Variants in PCDHGA1 observed in about 807,000 individuals in gnomAD.
PCDHGA1 encodes protocadherin gamma-A1.
In PCDHGA1, 32 loss-of-function variants were observed where a neutral mutation model predicts 58.0. The observed-to-expected ratio is 0.55, with a 90% CI of 0.42 to 0.74. The LOEUF is 0.74. Ranked by LOEUF, PCDHGA1 falls within the 30% of genes least tolerant of loss-of-function variation. The pLI, the probability that PCDHGA1 is intolerant of heterozygous loss-of-function variation, is 0.00. For synonymous variants in PCDHGA1, 498 were observed against 501.1 expected, an observed-to-expected ratio of 0.99 and a Z score of 0.08; for missense variants, 1,205 against 1,182.3, an observed-to-expected ratio of 1.02 and a Z score of -0.28.
intron 1 of PCDHGA1, chr5:141,371,406 T>C: frequency 6.2e-7 from 1 of 1,613,960 alleles, no homozygotes; most frequent in Non-Finnish European, 8.5e-7. Flanking sequence ...GATAGATATT[T>C]CAGATGAAAA....
intron 1 of PCDHGA1, chr5:141,415,744 T>TTTG (rs2095926305): frequency 2.5e-6 from 1 of 404,416 alleles, no homozygotes; most frequent in South Asian, 6.6e-5. Context: ...ATTAAGGTTT[T>TTTG]TTTTTTTTTT....
intron 1 of PCDHGA1, among the ~76,000 whole-genome samples, chr5:141,438,833 T>C (rs989612425): frequency 6.6e-6 from 1 of 150,476 alleles, no homozygotes; most frequent in Non-Finnish European, 1.5e-5. Context: ...AGCTAATTTT[T>C]TAAAATATTT....
intron 1 of PCDHGA1, chr5:141,373,991 A>G (rs1241221882): frequency 8.2e-7 from 1 of 1,223,018 alleles, no homozygotes; most frequent in Non-Finnish European, 1.1e-6. Context: ...CTGCTTGTTG[A>G]AGGACCTTCA....
At position 141,485,841 on chromosome 5, in the gene PCDHGA1, C is replaced by G. The variant is rs969476505; in HGVS notation, c.2422-8966C>G. On this transcript the variant is annotated intron_variant, in intron 1 of 3. Transcript: ENST00000517417. This position sits in a 1 kb window ranked among gnomAD's most constrained non-coding sequence, Gnocchi z 5.7. Reference sequence around the variant, plus strand: ...GTCGATGGAGGGAACCCGCCGAGATCTGGCACCGCAGAGCTCCGGGTATCC... The same window carrying G: ...GTCGATGGAGGGAACCCGCCGAGATGTGGCACCGCAGAGCTCCGGGTATCC... 29 of 1,614,104 alleles carry G rather than the reference C, an allele frequency of 1.8e-5. No individual in the cohort carries two copies. The highest frequency in any genetic ancestry group is 2.2e-5 in the South Asian group (2 of 91,080).
At chr5:141,423,826 A>G (rs1324911075) in intron 1 of PCDHGA1, 21 of 1,275,178 alleles carry the variant, frequency 1.6e-5, no homozygotes, top group Middle Eastern at 2.2e-4. Flanking sequence ...TTTGCCTTTC[A>G]TGAGATTACG....
chr5:141,391,071 T>C (rs905482954), intron 1 of PCDHGA1: 2 of 152,220 alleles, frequency 1.3e-5, no homozygotes, highest in African/African-American at 4.8e-5. Context: ...CCCTAATATA[T>C]AATGTGTAAC....
intron 1 of PCDHGA1, chr5:141,370,659 C>G: frequency 6.2e-7 from 1 of 1,613,780 alleles, no homozygotes; most frequent in Non-Finnish European, 8.5e-7. Context: ...TGTGAGCGAC[C>G]GTATAGACCG....
At position 141,344,571 on chromosome 5, in the gene PCDHGA1, C is replaced by T. The variant is rs968234173; in HGVS notation, c.2421+11466C>T. 1.7e-5 allele frequency: 28 copies of T among 1,613,904 alleles called. No individual in the cohort carries two copies. The Admixed American group carries it at 3.0e-4, about 17-fold the overall frequency. On this transcript the variant is annotated intron_variant, in intron 1 of 3. Transcript: ENST00000517417. ...GCTTAGCCCCAATGACTACTTCTCT[C>T]TGGCTGTGAATAGCGTCTCTGAGGG...
chr5:141,390,408 T>C, intron 1 of PCDHGA1: 1 of 1,254,846 alleles, frequency 8.0e-7, no homozygotes, highest in Non-Finnish European at 1.1e-6. Context: ...AGGAAAGTTG[T>C]AGTCAGTTAA....
At chr5:141,402,458 T>C (rs886690950) in intron 1 of PCDHGA1, among the ~76,000 whole-genome samples, 2 of 152,178 alleles carry the variant, frequency 1.3e-5, no homozygotes, top group Non-Finnish European at 2.9e-5. Flanking sequence ...ATAGTTTACA[T>C]ATCTAGAAAT....
At position 141,431,783 on chromosome 5, in the gene PCDHGA1, G is replaced by T; in HGVS notation, c.2422-63024G>T. 2 of 1,614,174 alleles carry T rather than the reference G, an allele frequency of 1.2e-6. No homozygotes were observed. Among genetic ancestry groups the T allele is most frequent in the East Asian group, 2.2e-5 (1 of 44,878 alleles). On this transcript the variant is annotated intron_variant, in intron 1 of 3. Transcript: ENST00000517417. The surrounding 1 kb of genome is among the most constrained non-coding windows in gnomAD (Gnocchi z 4.8). Reference sequence around the variant, plus strand: ...CCTGATCACTGTTCTGGACGTGAACGACAATGCCCCAGAAGTGGTCCTCAC... The same window carrying T: ...CCTGATCACTGTTCTGGACGTGAACTACAATGCCCCAGAAGTGGTCCTCAC...
chr5:141,420,079 C>A, intron 1 of PCDHGA1: 1 of 1,613,998 alleles, frequency 6.2e-7, no homozygotes, highest in Non-Finnish European at 8.5e-7. Flanking sequence ...CTGTGGGTCC[C>A]CCCAACTACA....
Position 141,331,948 on chromosome 5 carries a change from A to G in PCDHGA1, c.1264A>G (p.Ile422Val). Reference sequence around the variant, plus strand: ...ACTTATCTCTGGGTACAACATCACAATAACAGCAATAGACCAAGGAACTCC... The same window carrying G: ...ACTTATCTCTGGGTACAACATCACAGTAACAGCAATAGACCAAGGAACTCC... ...RELISGYNIT[I>V]TAIDQGTPAL... The change falls in exon 1 of 4, where the codon ATA (isoleucine) becomes GTA (valine). Residue 422 changes from isoleucine (I) to valine (V), a missense_variant. Ile to Val is a conservative substitution (Grantham distance 29). Transcript: ENST00000517417. 5 of 1,614,184 alleles carry G rather than the reference A, an allele frequency of 3.1e-6. No homozygotes were observed. Among genetic ancestry groups the G allele is most frequent in the Non-Finnish European group, 4.2e-6 (5 of 1,180,042 alleles).
At chr5:141,484,075 C>G (rs1397285710) in intron 1 of PCDHGA1, among the ~76,000 whole-genome samples, 2 of 152,084 alleles carry the variant, frequency 1.3e-5, no homozygotes, top group African/African-American at 4.8e-5. Context: ...AAAGCTTGCT[C>G]TTTTGAAATG....
intron 1 of PCDHGA1, chr5:141,421,585 G>A: frequency 1.2e-6 from 2 of 1,613,916 alleles, no homozygotes; most frequent in Non-Finnish European, 1.7e-6. Context: ...GATTTACGGA[G>A]TGGAGGTGGA....
chr5:141,360,387 A>AC (rs1216903112), intron 1 of PCDHGA1: 2 of 1,613,826 alleles, frequency 1.2e-6, no homozygotes, highest in African/African-American at 2.7e-5. Flanking sequence ...GCGGAGACTT[A>AC]CTTGTGAGTG....
chr5:141,449,471 G>A (rs1261821886), intron 1 of PCDHGA1, among the ~76,000 whole-genome samples: 1 of 151,060 alleles, frequency 6.6e-6, no homozygotes, highest in African/African-American at 2.4e-5. Flanking sequence ...GCCAGGCCTG[G>A]TACCCCATGC....
intron 1 of PCDHGA1, chr5:141,343,789 T>G: frequency 2.3e-6 from 1 of 432,492 alleles, no homozygotes; most frequent in South Asian, 5.6e-5. Flanking sequence ...GTGTCGCTGT[T>G]GACCACTCAA....
At chr5:141,340,159 G>T (rs766521551) in intron 1 of PCDHGA1, 2 of 1,614,186 alleles carry the variant, frequency 1.2e-6, no homozygotes, top group African/African-American at 1.3e-5. Context: ...AGTTAGAAAA[G>T]TCAGTAGACA....
Sources: gnomAD v4.1 joint callset for allele counts (sites outside exome capture counted in the v4.1 genomes callset) on GRCh38, gnomAD v4.1.1 for gene constraint, Gnocchi (gnomAD v3.1) non-coding constraint, MANE v1.5 for transcripts, NCBI Gene and HGNC (gene_info 2026-07-23, HGNC 2026-07-21) for gene names.